The following RBM7 variants were observed in gnomAD, a reference collection of about 807,000 sequenced individuals.
RBM7 encodes RNA-binding protein 7.
In RBM7, 13 loss-of-function variants were observed where a neutral mutation model predicts 31.0. The observed-to-expected ratio is 0.42, with a 90% CI of 0.27 to 0.67. The LOEUF (loss-of-function observed/expected upper bound fraction) is 0.67, where lower values mean the gene tolerates loss of function less well. RBM7 is among the 30% of genes least tolerant of loss of function. The pLI, the probability that RBM7 is intolerant of heterozygous loss-of-function variation, is 0.24. For synonymous variants in RBM7, 106 were observed against 111.2 expected (o/e 0.95, Z 0.30); for missense variants, 245 against 326.2 (o/e 0.75, Z 1.92).
intron 1 of RBM7, 30 bp downstream of exon 1, chr11:114,400,797 TC>T (rs1370794256): frequency 6.2e-7 from 1 of 1,613,258 alleles, no homozygotes; most frequent in South Asian, 1.1e-5. Context: ...CCTTTGCCTT[TC>T]GTTTTCCGTC....
chr11:114,400,779 G>C lies in RBM7; in HGVS notation c.96+12G>C, dbSNP rs762207258. On this transcript the variant is annotated intron_variant, in intron 1 of 4. Coordinates refer to ENST00000375490, the MANE Select transcript of RBM7 (RefSeq NM_001286045.2). The stretch of plus-strand genomic sequence containing the variant: ...AGCTTTTCCACCAGGTAAGCGGCTG[G>C]GTTCGGCCCTTTGCCTTTCGTTTTC... The C allele has an allele frequency of 1.1e-5, 17 of 1,614,056 alleles. No individual in the cohort carries two copies. Among genetic ancestry groups the C allele is most frequent in the African/African-American group, 2.7e-5 (2 of 74,942 alleles).
chr11:114,400,824 C>T, intron 1 of RBM7, 57 bp downstream of exon 1: 1 of 1,588,192 alleles, frequency 6.3e-7, no homozygotes, highest in Non-Finnish European at 8.6e-7. Flanking sequence ...TAGGGCCTGG[C>T]CAGCGGCCAC....
rs779708486 is a variant in RBM7, at chr11:114,400,692, A to G, written c.21A>G (p.Glu7=). 2 of 1,614,184 alleles carry G rather than the reference A, an allele frequency of 1.2e-6. No individual in the cohort carries two copies. The highest frequency in any genetic ancestry group is 1.7e-6 in the Non-Finnish European group (2 of 1,180,026). Residue 7 remains glutamate (E), a synonymous_variant, in exon 1 of 5, where the codon GAA becomes GAG. Coordinates refer to ENST00000375490, the MANE Select transcript of RBM7 (RefSeq NM_001286045.2). MGAAAA[E]ADRTLFVGNL... is the part of the protein sequence containing the mutation. ...CTGAGATGGGGGCGGCGGCGGCGGA[A>G]GCGGATCGCACTCTCTTTGTGGGCA...
At position 114,402,875 on chromosome 11, in the gene RBM7, C is replaced by G; in HGVS notation, c.307C>G (p.His103Asp). The G allele has an allele frequency of 6.2e-7, 1 of 1,613,298 alleles. No homozygotes were observed. Among genetic ancestry groups the G allele is most frequent in the Non-Finnish European group, 8.5e-7 (1 of 1,179,340 alleles). Residue 103 changes from histidine (H) to aspartate (D), a missense_variant, in exon 3 of 5, where the codon CAT becomes GAT. Physicochemically the swap from His to Asp is moderately conservative, Grantham distance 81. Transcript: ENST00000375490. ...QDVSLSYPQH[H>D]VGNSSPTSTS... ...TGTCAGTTTGTCATATCCCCAACAT[C>G]ATGTTGGAAATTCAAGCCCTACCTC...
rs773718775 is a variant in RBM7, at chr11:114,401,799, A to C, written c.198A>C (p.Ala66=). The stretch of plus-strand genomic sequence containing the variant: ...AACATGAAGTGTCTGTTCCTTATGC[A>C]ATGAATCTACTTAATGGAATCAAAC... ...NFKHEVSVPY[A]MNLLNGIKLY... is the part of the protein sequence containing the mutation. Residue 66 remains alanine, a synonymous_variant, in exon 2 of 5, where the codon GCA becomes GCC. Coordinates refer to ENST00000375490, the MANE Select transcript of RBM7 (RefSeq NM_001286045.2). 4.4e-6 allele frequency: 7 copies of C among 1,591,014 alleles called. No homozygotes were observed. Among genetic ancestry groups the C allele is most frequent in the East Asian group, 2.3e-5 (1 of 43,438 alleles).
chr11:114,408,966 A>G lies in RBM7; in HGVS notation c.*1159A>G, dbSNP rs1301372079. The G allele has an allele frequency of 2.0e-5, 3 of 152,058 alleles. No homozygotes were observed. Among genetic ancestry groups the G allele is most frequent in the Non-Finnish European group, 4.4e-5 (3 of 67,976 alleles). The allele number at this position is 152,058 out of a possible 1,614,324, so 9.4% of individuals were successfully genotyped here. ...GTCACTGACTTCAGAGACATTGTACACAAAGAATTAACATACTTTTATTCA... is the reference window on the plus strand; with the variant it reads ...GTCACTGACTTCAGAGACATTGTACGCAAAGAATTAACATACTTTTATTCA... On this transcript the variant is annotated 3_prime_UTR_variant, in exon 5 of 5. Coordinates refer to ENST00000375490, the MANE Select transcript of RBM7 (RefSeq NM_001286045.2).
At chr11:114,407,309 G>C in intron 4 of RBM7, 136 bp from the exon 5 acceptor site, 1 of 775,742 alleles carries the variant, frequency 1.3e-6, no homozygotes, top group Non-Finnish European at 2.1e-6. Context: ...AATGATTGAA[G>C]CTATTGTACT....
Position 114,400,679 on chromosome 11 carries a change from C to T in RBM7, c.8C>T (p.Ala3Val), listed in dbSNP as rs1946184800. ...GGAGGGGGCGACGCTGAGATGGGGG[C>T]GGCGGCGGCGGAAGCGGATCGCACT... The part of the protein sequence containing the change: MG[A>V]AAAEADRTLF... The change falls in exon 1 of 5, where the codon GCG (alanine) becomes GTG (valine). Residue 3 changes from alanine to valine, a missense_variant. By Grantham distance (64) the Ala-to-Val change is moderately conservative (BLOSUM62 0). Coordinates refer to ENST00000375490, the MANE Select transcript of RBM7 (RefSeq NM_001286045.2). 6.2e-7 allele frequency: 1 copy of T among 1,613,642 alleles called. No homozygotes were observed. The highest frequency in any genetic ancestry group is 8.5e-7 in the Non-Finnish European group (1 of 1,179,782).
intron 1 of RBM7, among the ~76,000 whole-genome samples, chr11:114,401,019 A>G (rs1181048873): frequency 6.6e-6 from 1 of 152,280 alleles, no homozygotes; most frequent in East Asian, 1.9e-4. Context: ...GTAGAGATCC[A>G]GGGGTCCTTG....
At chr11:114,403,761 G>C (rs1219801415) in intron 3 of RBM7, among the ~76,000 whole-genome samples, 2 of 152,140 alleles carry the variant, frequency 1.3e-5, no homozygotes, top group African/African-American at 4.8e-5. Context: ...AGGTTAACTT[G>C]CTCAGGTTCA....
At chr11:114,400,807 T>C in intron 1 of RBM7, 40 bp downstream of exon 1, 4 of 1,611,658 alleles carry the variant, frequency 2.5e-6, no homozygotes, top group Non-Finnish European at 3.4e-6. Flanking sequence ...TCGTTTTCCG[T>C]CTCGCCTAGG....
chr11:114,401,475 T>C (rs927169772), intron 1 of RBM7, among the ~76,000 whole-genome samples: 25 of 152,206 alleles, frequency 1.6e-4, no homozygotes, highest in African/African-American at 5.5e-4. Context: ...GCAAAAGTGA[T>C]TGTGTTTCCA....
Position 114,410,176 on chromosome 11 carries a change from C to G in RBM7, c.*2369C>G, listed in dbSNP as rs933516196. On this transcript the variant is annotated 3_prime_UTR_variant, in exon 5 of 5. Coordinates refer to ENST00000375490, the MANE Select transcript of RBM7 (RefSeq NM_001286045.2). The stretch of plus-strand genomic sequence containing the variant: ...AGAAGAGATTATTTTTGTGGGAGAA[C>G]AGTTTCTCCCATAGTGTTTCCTGTG... 6.6e-6 allele frequency: 1 copy of G among 151,620 alleles called. No homozygotes were observed. The highest frequency in any genetic ancestry group is 2.4e-5 in the African/African-American group (1 of 41,206). 9.4% of individuals were successfully genotyped at this position (151,620 alleles called of 1,614,324 possible).
At chr11:114,405,643 C>T (rs1946256705) in intron 3 of RBM7, 63 bp from the exon 4 acceptor site, 8 of 1,176,292 alleles carry the variant, frequency 6.8e-6, no homozygotes, top group Non-Finnish European at 9.6e-6. Context: ...ATGTGTTCTG[C>T]TCATGGTTGT....
At position 114,400,899 on chromosome 11, in the gene RBM7, C is replaced by T. The variant is rs538502393; in HGVS notation, c.96+132C>T. On this transcript the variant is annotated intron_variant, in intron 1 of 4. Transcript: ENST00000375490. ...GGCTGTTTGGGGGTGAAAGGCGGGT[C>T]TGGGTTGCGAAACGCTCGCTGGGTG... The T allele has an allele frequency of 1.7e-3, 1,790 of 1,028,760 alleles. 5 individuals are homozygous for T. The highest frequency in any genetic ancestry group is 2.3e-3 in the Non-Finnish European group (1,623 of 710,808). 63.7% of individuals were successfully genotyped at this position (1,028,760 alleles called of 1,614,324 possible).
chr11:114,401,225 T>C lies in RBM7; in HGVS notation c.96+458T>C, dbSNP rs116056002. Among the ~76,000 whole-genome samples, 1,328 of 152,316 alleles carry C rather than the reference T, an allele frequency of 8.7e-3. 23 individuals carry two copies. The highest frequency in any genetic ancestry group is 0.029 in the African/African-American group (1,188 of 41,558). On this transcript the variant is annotated intron_variant, in intron 1 of 4. Coordinates refer to ENST00000375490, the MANE Select transcript of RBM7 (RefSeq NM_001286045.2). The stretch of plus-strand genomic sequence containing the variant: ...ATTAAAATATGTAAAATAAAATGGT[T>C]AAGTACTCCGTAGAAAAACAGCATT...
chr11:114,402,744 T>C, intron 2 of RBM7, 84 bp from the exon 3 acceptor site: 1 of 1,177,580 alleles, frequency 8.5e-7, no homozygotes, highest in Non-Finnish European at 1.3e-6. Context: ...GTGTTTACCT[T>C]TTTGGAGTGA....
At chr11:114,404,390 C>G (rs777479104) in intron 3 of RBM7, among the ~76,000 whole-genome samples, 4 of 152,188 alleles carry the variant, frequency 2.6e-5, no homozygotes, top group African/African-American at 9.7e-5. Context: ...AAAGTGTACC[C>G]TCCCGGTGTT....
At chr11:114,401,131 T>A (rs1946194106) in intron 1 of RBM7, among the ~76,000 whole-genome samples, 1 of 152,226 alleles carries the variant, frequency 6.6e-6, no homozygotes, top group African/African-American at 2.4e-5. Flanking sequence ...TTTATCTGAC[T>A]GGGAACTTAA....
Sources: allele counts gnomAD v4.1 joint callset (sites outside exome capture counted in the v4.1 genomes callset), GRCh38; gene constraint gnomAD v4.1.1; transcripts MANE v1.5; gene names NCBI Gene and HGNC (gene_info 2026-07-23, HGNC 2026-07-21).